Variants in UGT1A4 observed in about 807,000 individuals in gnomAD.
UGT1A4 encodes the protein UDP-glucuronosyltransferase 1A4.
In UGT1A4, 32 loss-of-function variants were observed where a neutral mutation model predicts 41.1. The ratio of observed to expected loss-of-function variants is 0.78; its 90% CI spans 0.59 to 1.05. The LOEUF is 1.05. Ranked by LOEUF, UGT1A4 falls within the 50% of genes least tolerant of loss-of-function variation. UGT1A4 has a pLI of 0.00. For synonymous variants in UGT1A4, 283 were observed against 265.1 expected (o/e 1.07, Z -0.66); for missense variants, 748 against 677.4 (o/e 1.10, Z -1.16).
intron 1 of UGT1A4, among the ~76,000 whole-genome samples, chr2:233,765,395 G>A (rs1009787089): frequency 6.6e-6 from 1 of 152,142 alleles, no homozygotes; most frequent in Non-Finnish European, 1.5e-5. Context: ...AGAAAATGTG[G>A]TACATATACA....
At chr2:233,764,490 G>A (rs1698574986) in intron 1 of UGT1A4, among the ~76,000 whole-genome samples, 2 of 152,164 alleles carry the variant, frequency 1.3e-5, no homozygotes, top group South Asian at 4.1e-4. Flanking sequence ...AATGTTTATG[G>A]ACCTGTGGGT....
At chr2:233,766,327 G>T (rs373926451) in intron 1 of UGT1A4, among the ~76,000 whole-genome samples, 1 of 152,130 alleles carries the variant, frequency 6.6e-6, no homozygotes, top group Admixed American at 6.5e-5. Flanking sequence ...CAAACTCCGC[G>T]TTGTTCTGCT....
intron 1 of UGT1A4, among the ~76,000 whole-genome samples, chr2:233,720,140 G>T (rs527690030): frequency 5.9e-5 from 9 of 152,254 alleles, no homozygotes; most frequent in African/African-American, 2.2e-4. Context: ...GGAGACCTAG[G>T]CACTCACAGG....
At position 233,756,026 on chromosome 2, in the gene UGT1A4, C is replaced by A. The variant is rs573577160; in HGVS notation, c.868-11008C>A. The stretch of plus-strand genomic sequence containing the variant: ...TATCTATTGTGATATTACACATCCC[C>A]CATGTAGCTTCTGGAAAACTCCACT... On this transcript the variant is annotated intron_variant, in intron 1 of 4. Transcript: ENST00000373409. 66 of 152,322 alleles carry A rather than the reference C, an allele frequency of 4.3e-4. 1 individual carries two copies. The highest frequency in any genetic ancestry group is 1.5e-3 in the African/African-American group (63 of 41,570). The allele number at this position is 152,322 out of a possible 1,614,324, so 9.4% of individuals were successfully genotyped here. A position where few individuals can be genotyped will look rare whatever the true frequency, so the allele number is the denominator to read the frequency against.
intron 1 of UGT1A4, chr2:233,729,209 G>T (rs1321436420): frequency 6.2e-7 from 1 of 1,613,990 alleles, no homozygotes. Flanking sequence ...TGGGCTGAGA[G>T]TGGAAAGGTG....
intron 4 of UGT1A4, 140 bp downstream of exon 4, chr2:233,768,579 CTTCTTTT>C: frequency 1.1e-6 from 1 of 934,852 alleles, no homozygotes; most frequent in Non-Finnish European, 1.4e-6. Context: ...ATTTTTATTT[CTTCTTTT>C]TTTTTTTTTT....
At position 233,747,777 on chromosome 2, in the gene UGT1A4, A is replaced by G. The variant is rs1038765158; in HGVS notation, c.868-19257A>G. On this transcript the variant is annotated intron_variant, in intron 1 of 4. Transcript: ENST00000373409. ...AGACTTTAAGGGCACACAGTGTCCA[A>G]ATCCTTCCTCCTATATTCCTAAGTT... 11 of 1,613,426 alleles carry G rather than the reference A, an allele frequency of 6.8e-6. No individual in the cohort carries two copies. In the Admixed American group the frequency reaches 1.0e-4, roughly 15 times the overall value.
At chr2:233,743,813 T>G (rs964815042) in intron 1 of UGT1A4, 1 of 1,367,084 alleles carries the variant, frequency 7.3e-7, no homozygotes, top group South Asian at 1.1e-5. Context: ...GTTCTCAGGG[T>G]TTTTGTCGGG....
At chr2:233,738,664 G>A (rs974057109) in intron 1 of UGT1A4, among the ~76,000 whole-genome samples, 1 of 152,140 alleles carries the variant, frequency 6.6e-6, no homozygotes, top group Non-Finnish European at 1.5e-5. Flanking sequence ...ACGAACTTGA[G>A]AGAGATGATC....
intron 1 of UGT1A4, among the ~76,000 whole-genome samples, chr2:233,753,922 T>C (rs1212078671): frequency 6.6e-6 from 1 of 152,180 alleles, no homozygotes; most frequent in African/African-American, 2.4e-5. Flanking sequence ...TTCAGCTCAG[T>C]GATATGGGAT....
At chr2:233,761,212 G>T in intron 1 of UGT1A4, 1 of 1,613,674 alleles carries the variant, frequency 6.2e-7, no homozygotes, top group Non-Finnish European at 8.5e-7. Flanking sequence ...ACTTTGGATC[G>T]ATTAACTAGC....
At chr2:233,724,404 G>T (rs1202271642) in intron 1 of UGT1A4, among the ~76,000 whole-genome samples, 1 of 140,424 alleles carries the variant, frequency 7.1e-6, no homozygotes, top group Admixed American at 7.0e-5. Context: ...CTTCCCAGAT[G>T]GGGTGGCTGC....
Position 233,772,900 on chromosome 2 carries a change from C to A in UGT1A4, c.*341C>A. Reference sequence around the variant, plus strand: ...GCGGGATTCAAAGGTGGTCCCACGGCTGCCCCTACTGCAAATGGCAGTTTT... The same window carrying A: ...GCGGGATTCAAAGGTGGTCCCACGGATGCCCCTACTGCAAATGGCAGTTTT... On this transcript the variant is annotated 3_prime_UTR_variant, in exon 5 of 5. Coordinates refer to ENST00000373409, the MANE Select transcript of UGT1A4 (RefSeq NM_007120.3). 2.4e-6 allele frequency: 1 copy of A among 417,126 alleles called. No homozygotes were observed. The highest frequency in any genetic ancestry group is 4.1e-6 in the Non-Finnish European group (1 of 243,572). The allele number at this position is 417,126 out of a possible 1,614,324, so 25.8% of individuals were successfully genotyped here.
chr2:233,726,899 A>G (rs1208700222), intron 1 of UGT1A4, among the ~76,000 whole-genome samples: 1 of 152,092 alleles, frequency 6.6e-6, no homozygotes, highest in Non-Finnish European at 1.5e-5. Context: ...CTTACCATTC[A>G]ATTATCTCCT....
Position 233,719,434 on chromosome 2 carries a change from T to A in UGT1A4, c.614T>A (p.Met205Lys). The change falls in exon 1 of 5, where the codon ATG becomes AAG. Residue 205 changes from methionine to lysine, a missense_variant. By Grantham distance (95) the Met-to-Lys change is moderately conservative. Coordinates refer to ENST00000373409, the MANE Select transcript of UGT1A4 (RefSeq NM_007120.3). Reference protein sequence around the residue: ...PKLLTTNSDHMTFLQRVKNML... With the variant: ...PKLLTTNSDHKTFLQRVKNML... The stretch of plus-strand genomic sequence containing the variant: ...TTACTAACGACCAATTCAGACCACA[T>A]GACATTCCTGCAAAGGGTCAAGAAC... 3 of 1,613,970 alleles carry A rather than the reference T, an allele frequency of 1.9e-6. No individual in the cohort carries two copies. The highest frequency in any genetic ancestry group is 2.5e-6 in the Non-Finnish European group (3 of 1,179,856).
intron 1 of UGT1A4, among the ~76,000 whole-genome samples, chr2:233,724,367 G>T (rs1413054411): frequency 2.0e-5 from 3 of 147,986 alleles, no homozygotes; most frequent in Admixed American, 1.3e-4. Context: ...CCCGGACGGG[G>T]TGGCTGCCGG....
chr2:233,732,553 T>TAAATAAGGA (rs1454535423), intron 1 of UGT1A4, among the ~76,000 whole-genome samples: 6 of 152,230 alleles, frequency 3.9e-5, no homozygotes, highest in African/African-American at 1.4e-4. Context: ...CACCATTTAT[T>TAAATAAGGA]AAATAAGGAA....
intron 1 of UGT1A4, among the ~76,000 whole-genome samples, chr2:233,757,306 A>AG (rs1394181032): frequency 1.3e-4 from 1 of 7,676 alleles, no homozygotes. Flanking sequence ...GTTGGGGGAC[A>AG]GGGGGGCTGG....
intron 1 of UGT1A4, chr2:233,761,111 T>G: frequency 1.9e-6 from 3 of 1,614,220 alleles, no homozygotes; most frequent in Non-Finnish European, 2.5e-6. Context: ...ATGGTTTTTG[T>G]TGGTGGAATC....
Sources: gnomAD v4.1 joint callset for allele counts (sites outside exome capture counted in the v4.1 genomes callset) on GRCh38, gnomAD v4.1.1 for gene constraint, MANE v1.5 for transcripts, NCBI Gene and HGNC (gene_info 2026-07-23, HGNC 2026-07-21) for gene names.